PALD1: variants seen among roughly 807,000 people sequenced by gnomAD.
PALD1 encodes phosphatase domain containing paladin 1.
PALD1 carries 57 observed loss-of-function variants against 96.0 expected under a neutral mutation model. That is an observed-to-expected ratio of 0.59 (90% CI 0.48 to 0.74). The LOEUF is 0.74. PALD1 is among the 30% of genes least tolerant of loss of function. The probability of loss-of-function intolerance (pLI) is 0.00; values close to 1 mark genes in which losing one functional copy is unlikely to be tolerated. For synonymous variants in PALD1, 464 were observed against 473.6 expected, an observed-to-expected ratio of 0.98 and a Z score of 0.26; for missense variants, 1,063 against 1,143.7, an observed-to-expected ratio of 0.93 and a Z score of 1.02.
chr10:70,526,506 T>C (rs1306569907), intron 2 of PALD1, among the ~76,000 whole-genome samples: 5 of 152,264 alleles, frequency 3.3e-5, no homozygotes, highest in Admixed American at 1.3e-4. Context: ...ACAGTAATTA[T>C]GGCTCAAAAC....
intron 1 of PALD1, among the ~76,000 whole-genome samples, chr10:70,511,698 G>C (rs1050498819): frequency 7.2e-5 from 11 of 152,216 alleles, no homozygotes; most frequent in African/African-American, 2.7e-4. Flanking sequence ...GTGAGCATGT[G>C]AAACAGATAA....
intron 1 of PALD1, among the ~76,000 whole-genome samples, chr10:70,509,860 G>C (rs1412425130): frequency 1.3e-5 from 2 of 152,204 alleles, no homozygotes; most frequent in East Asian, 3.8e-4. Flanking sequence ...TCTGCTCCTG[G>C]CTGTTGGACA....
intron 17 of PALD1, among the ~76,000 whole-genome samples, chr10:70,541,845 A>G (rs1440956283): frequency 2.6e-5 from 4 of 152,086 alleles, no homozygotes; most frequent in African/African-American, 2.4e-5. Context: ...AATGTTGATA[A>G]CAACCTCCCA....
chr10:70,529,391 A>C (rs1846946918), intron 3 of PALD1, 60 bp downstream of exon 3: 3 of 787,960 alleles, frequency 3.8e-6, no homozygotes, highest in East Asian at 2.7e-5. Flanking sequence ...TCTCTCATGA[A>C]TTCCCTCCCT....
intron 1 of PALD1, among the ~76,000 whole-genome samples, chr10:70,505,056 G>A (rs77018390): frequency 0.02 from 2,983 of 152,314 alleles, 43 homozygotes; most frequent in African/African-American, 0.041. Context: ...GTGTTACACA[G>A]ATCTTCCAAA....
chr10:70,540,650 G>T lies in PALD1; in HGVS notation c.1909-452G>T, dbSNP rs1209551928. On this transcript the variant is annotated intron_variant, in intron 15 of 19. Coordinates refer to ENST00000263563, the MANE Select transcript of PALD1 (RefSeq NM_014431.3). This position sits in a 1 kb window ranked among gnomAD's most constrained non-coding sequence, Gnocchi z 4.2. ...CATCTCTTCGCGGCTCTCACTGCCT[G>T]CGGTCTGCTGCCTCCTGGTGGCCTT... Among the ~76,000 whole-genome samples the T allele has an allele frequency of 6.6e-6, 1 of 152,126 alleles. No homozygotes were observed. Among genetic ancestry groups the T allele is most frequent in the African/African-American group, 2.4e-5 (1 of 41,406 alleles).
chr10:70,550,959 T>C (rs924790356), intron 18 of PALD1, among the ~76,000 whole-genome samples: 9 of 152,248 alleles, frequency 5.9e-5, no homozygotes, highest in African/African-American at 2.2e-4. Flanking sequence ...TGTGAACGTA[T>C]GTTTTCATTT....
chr10:70,502,467 T>C (rs886220640), intron 1 of PALD1, among the ~76,000 whole-genome samples: 4 of 150,820 alleles, frequency 2.7e-5, no homozygotes, highest in East Asian at 3.9e-4. Flanking sequence ...CTGTTTCCTT[T>C]GGATACATTG....
intron 1 of PALD1, among the ~76,000 whole-genome samples, chr10:70,486,968 C>T (rs939421551): frequency 6.6e-6 from 1 of 151,908 alleles, no homozygotes; most frequent in Non-Finnish European, 1.5e-5. Flanking sequence ...TTCTGAATGC[C>T]CAAAGAGAAG....
intron 10 of PALD1, among the ~76,000 whole-genome samples, chr10:70,536,955 G>A (rs1174952123): frequency 1.3e-5 from 2 of 152,150 alleles, no homozygotes; most frequent in East Asian, 1.9e-4. Flanking sequence ...TGGGGAATCT[G>A]GCTCTGTTTG....
At chr10:70,461,917 C>T in the PALD1 span, among the ~76,000 whole-genome samples, 6 of 152,302 alleles carry the variant, frequency 3.9e-5, no homozygotes, top group Admixed American at 3.9e-4. Context: ...CTCAGGCTCC[C>T]GAGTAGCTGG....
chr10:70,512,500 G>A (rs999152261), intron 1 of PALD1, among the ~76,000 whole-genome samples: 4 of 152,258 alleles, frequency 2.6e-5, no homozygotes, highest in Admixed American at 2.0e-4. Flanking sequence ...CAGCTCAGTG[G>A]CAGTGGTTAG....
At chr10:70,477,797 C>G (rs78557050), upstream of PALD1, among the ~76,000 whole-genome samples, 1 of 152,216 alleles carries the variant, frequency 6.6e-6, no homozygotes, top group African/African-American at 2.4e-5. Flanking sequence ...CAGCTCCAGT[C>G]CTGAATGGGG....
chr10:70,549,279 G>T (rs1401211349), intron 18 of PALD1, among the ~76,000 whole-genome samples: 4 of 152,146 alleles, frequency 2.6e-5, no homozygotes, highest in Non-Finnish European at 1.5e-5. Context: ...TGCTGAGAGG[G>T]CTGAGAATGG....
At position 70,489,802 on chromosome 10, in the gene PALD1, T is replaced by C. The variant is rs1846071313; in HGVS notation, c.-30+10743T>C. 2.6e-5 allele frequency among the ~76,000 whole-genome samples: 4 copies of C among 152,188 alleles called. No homozygotes were observed. The South Asian group carries it at 8.3e-4, about 31-fold the overall frequency. Reference sequence around the variant, plus strand: ...ACCTCAAAAGATACCCCAGTACCCATTGGTAGTCACTCCCCACCCCCAGCC... The same window carrying C: ...ACCTCAAAAGATACCCCAGTACCCACTGGTAGTCACTCCCCACCCCCAGCC... On this transcript the variant is annotated intron_variant, in intron 1 of 19. Transcript: ENST00000263563.
intron 8 of PALD1, among the ~76,000 whole-genome samples, 172 bp downstream of exon 8, chr10:70,534,245 C>T (rs1847059884): frequency 6.6e-6 from 1 of 152,252 alleles, no homozygotes. Context: ...GAGAAAGTCA[C>T]CTGACCTTTC....
intron 18 of PALD1, among the ~76,000 whole-genome samples, chr10:70,555,358 C>G (rs753020820): frequency 2.0e-5 from 3 of 152,046 alleles, no homozygotes; most frequent in Non-Finnish European, 4.4e-5. Context: ...TTTATTAGAC[C>G]CATTTGACTG....
chr10:70,556,197 A>C (rs948522273), intron 18 of PALD1, among the ~76,000 whole-genome samples: 1 of 151,958 alleles, frequency 6.6e-6, no homozygotes, highest in African/African-American at 2.4e-5. Flanking sequence ...AACGGCTTCC[A>C]GAACGGAGTG....
intron 1 of PALD1, among the ~76,000 whole-genome samples, chr10:70,504,592 A>G (rs183977510): frequency 7.2e-5 from 11 of 152,366 alleles, no homozygotes; most frequent in South Asian, 6.2e-4. Context: ...GGTAACATAA[A>G]TAAAATCTAT....
Sources: gnomAD v4.1 joint callset for allele counts (sites outside exome capture counted in the v4.1 genomes callset) on GRCh38, gnomAD v4.1.1 for gene constraint, Gnocchi (gnomAD v3.1) non-coding constraint, MANE v1.5 for transcripts, NCBI Gene and HGNC (gene_info 2026-07-23, HGNC 2026-07-21) for gene names.